The following CERS6 variants were observed in gnomAD, a reference collection of about 807,000 sequenced individuals.
The protein encoded by CERS6 is LAG1 homolog, ceramide synthase 6.
In CERS6, 26 loss-of-function variants were observed where a neutral mutation model predicts 56.8. The observed-to-expected ratio is 0.46, with a 90% confidence interval of 0.34 to 0.63. The LOEUF (loss-of-function observed/expected upper bound fraction) is 0.63, where lower values mean the gene tolerates loss of function less well. CERS6 is among the 30% of genes least tolerant of loss of function. CERS6 has a pLI of 0.01. For synonymous variants in CERS6, 164 were observed against 173.3 expected (o/e 0.95, Z 0.42); for missense variants, 415 against 467.5 (o/e 0.89, Z 1.04).
chr2:168,543,692 G>A (rs1196141265), intron 1 of CERS6, among the ~76,000 whole-genome samples: 10 of 151,866 alleles, frequency 6.6e-5, no homozygotes, highest in Non-Finnish European at 1.2e-4. Context: ...TTTCATTTGG[G>A]GTTCACTTTT....
chr2:168,483,501 G>C (rs1036997974), intron 1 of CERS6, among the ~76,000 whole-genome samples: 1 of 152,182 alleles, frequency 6.6e-6, no homozygotes, highest in African/African-American at 2.4e-5. Flanking sequence ...CGAGAAAACA[G>C]ACTTGGTTCA....
intron 7 of CERS6, among the ~76,000 whole-genome samples, chr2:168,716,613 A>G (rs1009359315): frequency 6.6e-6 from 1 of 152,178 alleles, no homozygotes; most frequent in African/African-American, 2.4e-5. Context: ...TCAACATGTT[A>G]TCTTATGGCC....
chr2:168,719,760 A>C (rs1687313148), intron 8 of CERS6, among the ~76,000 whole-genome samples: 1 of 152,174 alleles, frequency 6.6e-6, no homozygotes, highest in South Asian at 2.1e-4. Flanking sequence ...CTGCTCCTCC[A>C]GACTTCTCTT....
At chr2:168,738,771 C>T (rs945464426) in intron 8 of CERS6, among the ~76,000 whole-genome samples, 2 of 152,198 alleles carry the variant, frequency 1.3e-5, no homozygotes, top group African/African-American at 2.4e-5. Flanking sequence ...AGTACCCGTG[C>T]TCCAGAAGCT....
At chr2:168,747,848 C>CACAT (rs1400686963) in intron 8 of CERS6, among the ~76,000 whole-genome samples, 1 of 151,308 alleles carries the variant, frequency 6.6e-6, no homozygotes. Flanking sequence ...AACACACACA[C>CACAT]ACACACACGC....
rs561118227 is a variant in CERS6, at chr2:168,706,895, C to A, written c.610-8106C>A. The stretch of plus-strand genomic sequence containing the variant: ...ATTTTAATTTTTGGGGACGTGTAAT[C>A]TCTGTTGCAGCTTCTCAGCTCTGCC... On this transcript the variant is annotated intron_variant, in intron 6 of 9. Coordinates refer to ENST00000305747, the MANE Select transcript of CERS6 (RefSeq NM_203463.3). Among the ~76,000 whole-genome samples, 3 of 152,300 alleles carry A rather than the reference C, an allele frequency of 2.0e-5. No individual in the cohort carries two copies. The East Asian group carries it at 5.8e-4, about 29-fold the overall frequency.
intron 8 of CERS6, among the ~76,000 whole-genome samples, chr2:168,743,970 T>A (rs1396348880): frequency 1.4e-5 from 2 of 143,484 alleles, no homozygotes; most frequent in African/African-American, 2.6e-5. Flanking sequence ...ATTGTATTGT[T>A]ACTGTTTTCT....
intron 8 of CERS6, among the ~76,000 whole-genome samples, chr2:168,730,840 G>T (rs1226994353): frequency 6.6e-6 from 1 of 152,120 alleles, no homozygotes; most frequent in Non-Finnish European, 1.5e-5. Context: ...TATTTAATTT[G>T]ATTTGTTTGG....
chr2:168,665,598 T>C (rs142018772), intron 4 of CERS6, among the ~76,000 whole-genome samples: 4 of 152,278 alleles, frequency 2.6e-5, no homozygotes, highest in African/African-American at 9.6e-5. Flanking sequence ...TTTTCCAACA[T>C]GCTCATCACC....
intron 4 of CERS6, among the ~76,000 whole-genome samples, chr2:168,645,889 C>T (rs1685187533): frequency 6.6e-6 from 1 of 152,198 alleles, no homozygotes; most frequent in Non-Finnish European, 1.5e-5. Context: ...TTTCTGGCTG[C>T]ATTGTATTCC....
chr2:168,735,270 C>A (rs906086772), intron 8 of CERS6, among the ~76,000 whole-genome samples: 2 of 151,516 alleles, frequency 1.3e-5, no homozygotes, highest in African/African-American at 4.9e-5. Context: ...ATACTTTTAA[C>A]AGACTACTTC....
chr2:168,493,315 G>A (rs1694406993), intron 1 of CERS6, among the ~76,000 whole-genome samples: 1 of 152,046 alleles, frequency 6.6e-6, no homozygotes, highest in Non-Finnish European at 1.5e-5. Flanking sequence ...CACCTAACAG[G>A]CTCTTGGAAT....
chr2:168,555,387 G>C (rs769367931), intron 2 of CERS6, among the ~76,000 whole-genome samples: 8 of 151,694 alleles, frequency 5.3e-5, no homozygotes, highest in Non-Finnish European at 1.0e-4. Context: ...AACTCATACA[G>C]ATATGAAAAA....
rs74676288 is a variant in CERS6 at position 168,673,052 on chromosome 2, T to C, written c.466-17982T>C. Among the ~76,000 whole-genome samples, 1,220 of 152,334 alleles carry C rather than the reference T, an allele frequency of 8.0e-3. 9 individuals are homozygous for C. The highest frequency in any genetic ancestry group is 0.024 in the South Asian group (115 of 4,826). On this transcript the variant is annotated intron_variant, in intron 4 of 9. Coordinates refer to ENST00000305747, the MANE Select transcript of CERS6 (RefSeq NM_203463.3). ...GTTTGACCAGTTGTCTTATTAGTATTGAGTAATGATAAACCAAATTAAGAT... is the reference window on the plus strand; with the variant it reads ...GTTTGACCAGTTGTCTTATTAGTATCGAGTAATGATAAACCAAATTAAGAT...
chr2:168,759,315 T>A (rs1574225812), intron 8 of CERS6, among the ~76,000 whole-genome samples: 1 of 152,186 alleles, frequency 6.6e-6, no homozygotes, highest in Non-Finnish European at 1.5e-5. Context: ...AACCTGTAGA[T>A]CAAGTGTTTT....
At chr2:168,675,611 G>GACA (rs372631025) in intron 4 of CERS6, among the ~76,000 whole-genome samples, 10 of 151,720 alleles carry the variant, frequency 6.6e-5, no homozygotes, top group East Asian at 1.9e-4. Context: ...AAAAACCAAG[G>GACA]ACAACAACAA....
chr2:168,601,559 T>A (rs964556955), intron 3 of CERS6, among the ~76,000 whole-genome samples: 31 of 151,796 alleles, frequency 2.0e-4, no homozygotes, highest in African/African-American at 7.0e-4. Context: ...GCCTTATCTT[T>A]TTTTTTTTTT....
chr2:168,475,392 G>T (rs1226604449), intron 1 of CERS6, among the ~76,000 whole-genome samples: 1 of 151,892 alleles, frequency 6.6e-6, no homozygotes, highest in Non-Finnish European at 1.5e-5. Context: ...CTGTCTCTAA[G>T]AATAAAGACA....
intron 4 of CERS6, among the ~76,000 whole-genome samples, chr2:168,672,341 A>G (rs993562899): frequency 1.3e-5 from 2 of 152,230 alleles, no homozygotes; most frequent in African/African-American, 4.8e-5. Flanking sequence ...CTGAAGAATC[A>G]GGTATTTGGC....
Sources: allele counts gnomAD v4.1 joint callset (sites outside exome capture counted in the v4.1 genomes callset), GRCh38; gene constraint gnomAD v4.1.1; transcripts MANE v1.5; gene names NCBI Gene and HGNC (gene_info 2026-07-23, HGNC 2026-07-21).